ATG2B: variants seen among roughly 807,000 people sequenced by gnomAD.
ATG2B encodes the protein autophagy related 2B.
A neutral mutation model predicts 241.3 loss-of-function variants in ATG2B; 121 were observed. The ratio of observed to expected loss-of-function variants is 0.50; its 90% CI spans 0.43 to 0.58. The LOEUF is 0.58. Among genes scored for constraint, ATG2B ranks in the 20% least tolerant of loss-of-function variants. ATG2B has a pLI of 0.00. For missense variants in ATG2B, 2,306 were observed against 2,491.6 expected, an observed-to-expected ratio of 0.93 and a Z score of 1.59; for synonymous variants, 858 against 876.6, an observed-to-expected ratio of 0.98 and a Z score of 0.37.
At chr14:96,332,033 G>T (rs1437002803) in intron 10 of ATG2B, among the ~76,000 whole-genome samples, 2 of 152,056 alleles carry the variant, frequency 1.3e-5, no homozygotes, top group Non-Finnish European at 2.9e-5. Context: ...TCACATGATT[G>T]ACTGAGGGTC....
chr14:96,293,781 T>C (rs1595293152), intron 36 of ATG2B, among the ~76,000 whole-genome samples: 1 of 152,104 alleles, frequency 6.6e-6, no homozygotes, highest in South Asian at 2.1e-4. Flanking sequence ...AAAATAAACA[T>C]TTACCTAAGT....
chr14:96,356,317 G>A (rs111803536), intron 1 of ATG2B, among the ~76,000 whole-genome samples: 4,251 of 152,122 alleles, frequency 0.028, 216 homozygotes, highest in African/African-American at 0.097. Context: ...AGGTATTTTT[G>A]TGCCTACTTT....
Position 96,340,138 on chromosome 14 carries a change from GATATATATGA to G in ATG2B, c.924+1374_924+1383del, listed in dbSNP as rs145743820. Among the ~76,000 whole-genome samples, 22 of 74,322 alleles carry G rather than the reference GATATATATGA, an allele frequency of 3.0e-4. 1 individual carries two copies. Among genetic ancestry groups the G allele is most frequent in the Non-Finnish European group, 4.2e-4 (11 of 26,250 alleles). The allele number at this position is 74,322 out of a possible 152,430, so 48.8% of individuals were successfully genotyped here. On this transcript the variant is annotated intron_variant, in intron 6 of 41. Transcript: ENST00000359933. ...ATATATGAATATATATATCATATAT[GATATATATGA>G]ATATATATATCATATATGATATATA...
intron 1 of ATG2B, among the ~76,000 whole-genome samples, chr14:96,350,205 A>G (rs1888277285): frequency 1.3e-5 from 2 of 152,196 alleles, no homozygotes; most frequent in South Asian, 2.1e-4. Flanking sequence ...CCACAGCACG[A>G]GGAGAGAAAT....
chr14:96,315,639 A>C, intron 21 of ATG2B, 56 bp from the exon 22 acceptor site: 1 of 1,422,114 alleles, frequency 7.0e-7, no homozygotes, highest in South Asian at 1.2e-5. Context: ...GAAATTAGCT[A>C]ATCAACTTAC....
intron 35 of ATG2B, 38 bp downstream of exon 35, chr14:96,295,444 T>A (rs769752550): frequency 3.0e-6 from 4 of 1,349,210 alleles, no homozygotes; most frequent in Non-Finnish European, 4.1e-6. Context: ...TCAATCCAAG[T>A]ACTTGGTATA....
At chr14:96,340,426 T>C (rs1416664845) in intron 6 of ATG2B, among the ~76,000 whole-genome samples, 4 of 152,034 alleles carry the variant, frequency 2.6e-5, no homozygotes, top group East Asian at 1.9e-4. Context: ...GAAGCCATTA[T>C]GTTAAGTGAC....
intron 41 of ATG2B, among the ~76,000 whole-genome samples, chr14:96,287,253 C>CAG (rs1886361010): frequency 1.3e-5 from 1 of 78,234 alleles, no homozygotes; most frequent in African/African-American, 5.5e-5. Flanking sequence ...GACTCCGTCT[C>CAG]AAAAAAAAAA....
At chr14:96,356,025 G>T (rs1449410152) in intron 1 of ATG2B, among the ~76,000 whole-genome samples, 1 of 151,912 alleles carries the variant, frequency 6.6e-6, no homozygotes, top group Non-Finnish European at 1.5e-5. Flanking sequence ...AAAAAAATTT[G>T]CCAGGCGTCG....
intron 28 of ATG2B, 133 bp downstream of exon 28, chr14:96,310,984 T>G: frequency 1.3e-6 from 1 of 767,676 alleles, no homozygotes. Context: ...TCAGACCCCA[T>G]TATTCTGAAG....
chr14:96,359,806 T>C (rs1455541233), intron 1 of ATG2B, among the ~76,000 whole-genome samples: 4 of 152,226 alleles, frequency 2.6e-5, no homozygotes, highest in Non-Finnish European at 4.4e-5. Flanking sequence ...GCATATATCC[T>C]AAAGTATTAT....
chr14:96,319,713 T>G (rs766487544), intron 18 of ATG2B, among the ~76,000 whole-genome samples: 2 of 152,242 alleles, frequency 1.3e-5, no homozygotes, highest in Non-Finnish European at 2.9e-5. Flanking sequence ...TAATGTAGAA[T>G]GTCCTTGTAT....
In ATG2B at chr14:96,362,852, C is replaced by T; in HGVS notation, c.125G>A (p.Gly42Asp). ...LEQLSLDLYQ[G>D]TGSLAQVPLD... is the part of the protein sequence containing the mutation. ...GGGGACCTGGGCGAGGGACCCGGTG[C>T]CTTGGTACAGGTCCAGGCTGAGCTG... The change falls in exon 1 of 42, where the codon GGC becomes GAC. Residue 42 changes from glycine (G) to aspartate (D), a missense_variant. Transcript: ENST00000359933. 6.2e-7 allele frequency: 1 copy of T among 1,612,196 alleles called. No individual in the cohort carries two copies. Among genetic ancestry groups the T allele is most frequent in the Non-Finnish European group, 8.5e-7 (1 of 1,179,274 alleles).
intron 1 of ATG2B, among the ~76,000 whole-genome samples, chr14:96,347,975 C>T (rs1245822630): frequency 6.6e-6 from 1 of 152,176 alleles, no homozygotes; most frequent in East Asian, 1.9e-4. Flanking sequence ...TCGGCAATCC[C>T]ACTGTTAGGT....
Position 96,308,315 on chromosome 14 carries a change from C to T in ATG2B, c.4303+1138G>A, listed in dbSNP as rs1461045592. Reference sequence around the variant, plus strand: ...TTTTTTTTTTTTTGAGACAGAATCTCGCTCTATTACCCGGGCTGGAGTGCA... The same window carrying T: ...TTTTTTTTTTTTTGAGACAGAATCTTGCTCTATTACCCGGGCTGGAGTGCA... On this transcript the variant is annotated intron_variant, in intron 29 of 41. Transcript: ENST00000359933. 3.0e-3 allele frequency among the ~76,000 whole-genome samples: 340 copies of T among 113,636 alleles called. 4 individuals carry two copies. The highest frequency in any genetic ancestry group is 0.011 in the African/African-American group (319 of 29,446). 74.5% of individuals were successfully genotyped at this position (113,636 alleles called of 152,430 possible).
chr14:96,311,491 T>A, intron 27 of ATG2B, 51 bp downstream of exon 27: 2 of 1,446,532 alleles, frequency 1.4e-6, no homozygotes, highest in South Asian at 2.5e-5. Flanking sequence ...TCAATTTTTT[T>A]AATCTCTTAA....
Position 96,292,126 on chromosome 14 carries a change from T to C in ATG2B, c.5427-28A>G, listed in dbSNP as rs903554978. The C allele has an allele frequency of 3.4e-6, 5 of 1,450,848 alleles. No individual in the cohort carries two copies. The African/African-American group carries it at 4.2e-5, about 12-fold the overall frequency. 89.9% of individuals were successfully genotyped at this position (1,450,848 alleles called of 1,614,324 possible). On this transcript the variant is annotated intron_variant, in intron 36 of 41. Coordinates refer to ENST00000359933, the MANE Select transcript of ATG2B (RefSeq NM_018036.7). ...GAAGATAAAGGAAGGAGGGAGTTAT[T>C]TACATTTACAATTACTAATAGGTGA...
At chr14:96,288,625 ACT>A (rs1793069161) in intron 41 of ATG2B, among the ~76,000 whole-genome samples, 1 of 152,062 alleles carries the variant, frequency 6.6e-6, no homozygotes, top group African/African-American at 2.4e-5. Context: ...CACAGAGGCT[ACT>A]TTTCTCAAGT....
rs752742603 is a variant in ATG2B, at chr14:96,302,132, C to T, written c.5038-24G>A. The T allele has an allele frequency of 2.1e-6, 3 of 1,441,558 alleles. No individual in the cohort carries two copies. The East Asian group carries it at 6.8e-5, about 33-fold the overall frequency. The allele number at this position is 1,441,558 out of a possible 1,614,324, so 89.3% of individuals were successfully genotyped here. ...AACTACAAGGCAAGAAAGAGAATAA[C>T]ATTTTTCCCCAATAATATGATGACC... On this transcript the variant is annotated intron_variant, in intron 33 of 41. Coordinates refer to ENST00000359933, the MANE Select transcript of ATG2B (RefSeq NM_018036.7).
Sources: gnomAD v4.1 joint callset for allele counts (sites outside exome capture counted in the v4.1 genomes callset) on GRCh38, gnomAD v4.1.1 for gene constraint, MANE v1.5 for transcripts, NCBI Gene and HGNC (gene_info 2026-07-23, HGNC 2026-07-21) for gene names.